BUB1B: variants seen among roughly 807,000 people sequenced by gnomAD.
BUB1B encodes BUB1 mitotic checkpoint serine/threonine kinase B.
Under a neutral mutation model 137.7 loss-of-function variants are expected in BUB1B, and 86 were observed. That is an observed-to-expected ratio of 0.62 (90% CI 0.52 to 0.75). BUB1B has a LOEUF of 0.75. Among genes scored for constraint, BUB1B ranks in the 30% least tolerant of loss-of-function variants. The pLI, the probability that BUB1B is intolerant of heterozygous loss-of-function variation, is 0.00. For missense variants in BUB1B, 1,130 were observed against 1,236.9 expected (o/e 0.91, Z 1.30); for synonymous variants, 420 against 417.9 (o/e 1.00, Z -0.06).
At chr15:40,211,511 T>A (rs72731451) in intron 18 of BUB1B, among the ~76,000 whole-genome samples, 2,387 of 152,336 alleles carry the variant, frequency 0.016, 28 homozygotes, top group Non-Finnish European at 0.025. Context: ...GACTTCTAAT[T>A]TTCTGCCTGG....
At chr15:40,207,428 A>G (rs1364708071) in intron 15 of BUB1B, among the ~76,000 whole-genome samples, 1 of 151,058 alleles carries the variant, frequency 6.6e-6, no homozygotes, top group Non-Finnish European at 1.5e-5. Flanking sequence ...ACATGGCTGT[A>G]CTCAAAAAAA....
intron 5 of BUB1B, among the ~76,000 whole-genome samples, chr15:40,181,338 G>A (rs912536934): frequency 2.0e-5 from 3 of 152,042 alleles, no homozygotes; most frequent in African/African-American, 4.8e-5. Flanking sequence ...TGATCCACCC[G>A]CCTCGGCCTC....
In BUB1B at chr15:40,213,077, AT is replaced by A. The variant is rs72432225; in HGVS notation, c.2536-254del. 0.079 allele frequency among the ~76,000 whole-genome samples: 12,023 copies of A among 152,128 alleles called. 1,532 individuals carry two copies. Among genetic ancestry groups the A allele is most frequent in the African/African-American group, 0.27 (11,369 of 41,392 alleles). On this transcript the variant is annotated intron_variant, in intron 19 of 22. Transcript: ENST00000287598. Reference sequence around the variant, plus strand: ...AATGGTTGGAATGAGGGTATTTTAAATCCATTTATTAAGTACCTATTTTGGG... The same window carrying A: ...AATGGTTGGAATGAGGGTATTTTAAACCATTTATTAAGTACCTATTTTGGG...
At chr15:40,171,210 T>C (rs1051867642) in intron 4 of BUB1B, among the ~76,000 whole-genome samples, 2 of 152,214 alleles carry the variant, frequency 1.3e-5, no homozygotes, top group Non-Finnish European at 2.9e-5. Context: ...GTGCTGGGAT[T>C]ATAGGCGTGA....
At chr15:40,209,227 T>C (rs1208216515) in intron 16 of BUB1B, among the ~76,000 whole-genome samples, 1 of 151,864 alleles carries the variant, frequency 6.6e-6, no homozygotes, top group Admixed American at 6.6e-5. Context: ...GAGACCATCC[T>C]GGCTAACATG....
intron 2 of BUB1B, among the ~76,000 whole-genome samples, chr15:40,167,683 T>G (rs1457858315): frequency 2.6e-5 from 4 of 152,202 alleles, no homozygotes; most frequent in Non-Finnish European, 5.9e-5. Context: ...TGATTTTTCT[T>G]AAATTTTTCC....
chr15:40,164,911 T>TAAG (rs2037077636), intron 1 of BUB1B, 142 bp from the exon 2 acceptor site: 24 of 881,588 alleles, frequency 2.7e-5, no homozygotes, highest in Non-Finnish European at 3.9e-5. Flanking sequence ...CTTAGGCATA[T>TAAG]AATAATAATA....
At chr15:40,186,468 C>A (rs1427745133) in intron 8 of BUB1B, among the ~76,000 whole-genome samples, 2 of 109,200 alleles carry the variant, frequency 1.8e-5, no homozygotes, top group Non-Finnish European at 3.3e-5. Flanking sequence ...GATGGAGTCT[C>A]GCTGTGTCGC....
chr15:40,169,974 C>CTTA lies in BUB1B; in HGVS notation c.180-84_180-82dup, dbSNP rs1595510685. On this transcript the variant is annotated intron_variant, in intron 2 of 22. Transcript: ENST00000287598. ...CAATAATTTAGATCAATATTACCTA[C>CTTA]TTATTACATGAATAAAAATGGAAGT... 31 of 1,090,154 alleles carry CTTA rather than the reference C, an allele frequency of 2.8e-5. No individual in the cohort carries two copies. In the East Asian group the frequency reaches 7.3e-4, roughly 26 times the overall value. The allele number at this position is 1,090,154 out of a possible 1,614,324, so 67.5% of individuals were successfully genotyped here.
At chr15:40,207,898 A>G (rs976162513) in intron 15 of BUB1B, among the ~76,000 whole-genome samples, 4 of 150,338 alleles carry the variant, frequency 2.7e-5, no homozygotes, top group African/African-American at 9.7e-5. Context: ...AAAAATAGCT[A>G]GGCATGGTAG....
At chr15:40,194,704 A>G (rs1003207067) in intron 8 of BUB1B, among the ~76,000 whole-genome samples, 4 of 152,220 alleles carry the variant, frequency 2.6e-5, no homozygotes, top group Non-Finnish European at 4.4e-5. Flanking sequence ...TTTAAAAGCT[A>G]TGCTGCCACT....
intron 8 of BUB1B, among the ~76,000 whole-genome samples, chr15:40,195,235 T>C (rs2037484121): frequency 6.6e-6 from 1 of 152,148 alleles, no homozygotes; most frequent in African/African-American, 2.4e-5. Flanking sequence ...CATATGATGT[T>C]TGGTTTTCCA....
chr15:40,202,485 T>G lies in BUB1B; in HGVS notation c.1628+20T>G, dbSNP rs762858418. ...TAAAAGGTACGTTGTTTTTTTGTTT[T>G]TTTGGTTTTTTTTTACTTAAGAATT... On this transcript the variant is annotated intron_variant, in intron 13 of 22. Coordinates refer to ENST00000287598, the MANE Select transcript of BUB1B (RefSeq NM_001211.6). The G allele has an allele frequency of 6.2e-7, 1 of 1,606,068 alleles. No homozygotes were observed. The highest frequency in any genetic ancestry group is 1.1e-5 in the South Asian group (1 of 90,548).
In BUB1B at chr15:40,206,423, T is replaced by C; in HGVS notation, c.1974T>C (p.Thr658=). 1 of 1,614,232 alleles carries C rather than the reference T, an allele frequency of 6.2e-7. No individual in the cohort carries two copies. Among genetic ancestry groups the C allele is most frequent in the Non-Finnish European group, 8.5e-7 (1 of 1,180,036 alleles). Residue 658 remains threonine, a synonymous_variant, in exon 15 of 23, where the codon ACT becomes ACC. Transcript: ENST00000287598. ...AGGACCAGCAGACAGCTTGTGGCAC[T>C]ATCTACAGTCAGACTCTCAGCATCA... ...TSEDQQTACG[T]IYSQTLSIKK... is the part of the protein sequence containing the mutation.
chr15:40,186,605 C>T (rs939435991), intron 8 of BUB1B, among the ~76,000 whole-genome samples: 19 of 151,162 alleles, frequency 1.3e-4, no homozygotes, highest in African/African-American at 4.4e-4. Context: ...CCACCACGCC[C>T]AGCTAATTTT....
chr15:40,206,491 A>G (rs760069673), intron 15 of BUB1B, 33 bp downstream of exon 15: 10 of 1,613,154 alleles, frequency 6.2e-6, no homozygotes, highest in Admixed American at 3.3e-5. Context: ...TACAAACCAG[A>G]TTGTTTACTC....
At chr15:40,185,911 T>C (rs535704518) in intron 8 of BUB1B, among the ~76,000 whole-genome samples, 6 of 152,312 alleles carry the variant, frequency 3.9e-5, no homozygotes, top group African/African-American at 1.2e-4. Context: ...ATCCTTTATG[T>C]TTGTATTCCT....
intron 20 of BUB1B, among the ~76,000 whole-genome samples, chr15:40,215,909 GTC>G (rs1200156942): frequency 6.6e-6 from 1 of 151,966 alleles, no homozygotes; most frequent in Non-Finnish European, 1.5e-5. Context: ...GCAAGACCCT[GTC>G]TCTACAAAAA....
At chr15:40,169,971 C>A in intron 2 of BUB1B, 91 bp from the exon 3 acceptor site, 2 of 1,053,522 alleles carry the variant, frequency 1.9e-6, no homozygotes, top group Non-Finnish European at 3.0e-6. Context: ...TCAATATTAC[C>A]TACTTATTAC....
Sources: gnomAD v4.1 joint callset for allele counts (sites outside exome capture counted in the v4.1 genomes callset) on GRCh38, gnomAD v4.1.1 for gene constraint, MANE v1.5 for transcripts, NCBI Gene and HGNC (gene_info 2026-07-23, HGNC 2026-07-21) for gene names.